The following TP63 variants were observed in gnomAD, a reference collection of about 807,000 sequenced individuals.
TP63 encodes tumor protein p63, also known as tumor protein 63.
TP63 carries 17 observed loss-of-function variants against 82.8 expected under a neutral mutation model. That is an observed-to-expected ratio of 0.21 (90% CI 0.14 to 0.31). The LOEUF (loss-of-function observed/expected upper bound fraction) is 0.31, where lower values mean the gene tolerates loss of function less well. Ranked by LOEUF, TP63 falls within the 10% of genes least tolerant of loss-of-function variation. TP63 has a pLI of 1.00. For missense variants in TP63, 648 were observed against 895.3 expected (o/e 0.72, Z 3.52); for synonymous variants, 330 against 321.7 (o/e 1.03, Z -0.28).
At chr3:189,613,694 A>G in the TP63 span, among the ~76,000 whole-genome samples, 1 of 152,124 alleles carries the variant, frequency 6.6e-6, no homozygotes, top group Admixed American at 6.5e-5. Context: ...TGGGAGGGAG[A>G]GTGTACCCTG....
intron 3 of TP63, among the ~76,000 whole-genome samples, chr3:189,784,675 G>A (rs1724467409): frequency 6.6e-6 from 1 of 151,948 alleles, no homozygotes; most frequent in African/African-American, 2.4e-5. Flanking sequence ...TAAGATTTAC[G>A]ACAGAACTCG....
chr3:189,607,193 C>G, the TP63 span, among the ~76,000 whole-genome samples: 52 of 152,198 alleles, frequency 3.4e-4, no homozygotes, highest in African/African-American at 1.2e-3. Flanking sequence ...ACTGAGAAGG[C>G]GTGAAGACTT....
chr3:189,696,791 A>T (rs1454614744), intron 1 of TP63, among the ~76,000 whole-genome samples: 7 of 152,144 alleles, frequency 4.6e-5, no homozygotes. Context: ...TCCTATGACA[A>T]ATTATGTTGA....
chr3:189,676,508 T>C (rs1715408738), intron 1 of TP63, among the ~76,000 whole-genome samples: 1 of 152,090 alleles, frequency 6.6e-6, no homozygotes, highest in Non-Finnish European at 1.5e-5. Context: ...GGCTGAATAA[T>C]ATTTCAATAT....
intron 8 of TP63, 49 bp from the exon 9 acceptor site, chr3:189,869,275 G>C (rs1448392738): frequency 1.4e-6 from 2 of 1,407,208 alleles, no homozygotes; most frequent in South Asian, 2.3e-5. Context: ...ATATGCATTA[G>C]TGCTTTAGAA....
chr3:189,764,716 C>G (rs1234646763), intron 3 of TP63, among the ~76,000 whole-genome samples: 1 of 152,134 alleles, frequency 6.6e-6, no homozygotes, highest in Non-Finnish European at 1.5e-5. Flanking sequence ...TATCATCCTC[C>G]CAAGAAGCTG....
chr3:189,880,312 A>G (rs1200807262), intron 10 of TP63: 31 of 1,336,320 alleles, frequency 2.3e-5, no homozygotes, highest in African/African-American at 8.9e-5. Context: ...CAGAGACCCA[A>G]CTGCTCAAAG....
intron 1 of TP63, among the ~76,000 whole-genome samples, chr3:189,725,617 G>A (rs1250770607): frequency 6.6e-6 from 1 of 152,228 alleles, no homozygotes. Flanking sequence ...GGAACCACAC[G>A]AGGGAATTTA....
At chr3:189,675,853 A>G (rs1577219627) in intron 1 of TP63, among the ~76,000 whole-genome samples, 1 of 152,248 alleles carries the variant, frequency 6.6e-6, no homozygotes, top group East Asian at 1.9e-4. Context: ...ATTCTTATGG[A>G]AAATGTTCTT....
At chr3:189,761,122 T>C (rs1722536067) in intron 3 of TP63, among the ~76,000 whole-genome samples, 1 of 152,222 alleles carries the variant, frequency 6.6e-6, no homozygotes. Context: ...CATAGGTCTC[T>C]GACATTCCCT....
Position 189,815,079 on chromosome 3 carries a change from C to T in TP63, c.579+6553C>T, listed in dbSNP as rs114210743. 5.6e-3 allele frequency among the ~76,000 whole-genome samples: 849 copies of T among 152,116 alleles called. 4 individuals carry two copies. The highest frequency in any genetic ancestry group is 0.02 in the African/African-American group (823 of 41,514). The stretch of plus-strand genomic sequence containing the variant: ...TTCTTCTCCTCTTCCCGCATTTCTT[C>T]TCCCCCTTCTTTCTACTCCCTCCTT... On this transcript the variant is annotated intron_variant, in intron 4 of 13. Coordinates refer to ENST00000264731, the MANE Select transcript of TP63 (RefSeq NM_003722.5).
the TP63 span, among the ~76,000 whole-genome samples, chr3:189,606,273 A>G: frequency 6.6e-6 from 1 of 152,318 alleles, no homozygotes; most frequent in Non-Finnish European, 1.5e-5. Flanking sequence ...CCTTCCCAAG[A>G]GAAATTCACT....
rs548819879 is a variant in TP63 at position 189,863,635 on chromosome 3, G to A, written c.580-597G>A. 2.6e-5 allele frequency among the ~76,000 whole-genome samples: 4 copies of A among 152,252 alleles called. No homozygotes were observed. The South Asian group carries it at 8.3e-4, about 32-fold the overall frequency. On this transcript the variant is annotated intron_variant, in intron 4 of 13. Coordinates refer to ENST00000264731, the MANE Select transcript of TP63 (RefSeq NM_003722.5). ...CCCTTTCAGCTCTTGCATTCTCCTA[G>A]TCTTTGACATCAGAAGGAAAGTGCA...
intron 3 of TP63, among the ~76,000 whole-genome samples, chr3:189,752,264 C>T (rs1721877068): frequency 1.3e-5 from 2 of 152,140 alleles, no homozygotes; most frequent in African/African-American, 2.4e-5. Flanking sequence ...GCCTCAACCT[C>T]CTAGGCTCAC....
At chr3:189,631,294 T>C (rs1729442275), upstream of TP63, 5 of 1,357,786 alleles carry the variant, frequency 3.7e-6, no homozygotes, top group East Asian at 8.9e-5. Flanking sequence ...CGAGTGTTTA[T>C]GAAGTTTTAG....
At chr3:189,845,162 CT>C (rs540478132) in intron 4 of TP63, among the ~76,000 whole-genome samples, 68 of 152,210 alleles carry the variant, frequency 4.5e-4, no homozygotes, top group South Asian at 1.0e-3. Context: ...TAGAGCTTGA[CT>C]TTTTTTTCTT....
At chr3:189,828,416 T>A (rs1413922496) in intron 4 of TP63, among the ~76,000 whole-genome samples, 2 of 152,204 alleles carry the variant, frequency 1.3e-5, no homozygotes, top group African/African-American at 4.8e-5. Context: ...TTCTAGACAT[T>A]GGTTTTAGAG....
At chr3:189,642,912 C>A (rs535057149) in intron 1 of TP63, among the ~76,000 whole-genome samples, 41 of 152,196 alleles carry the variant, frequency 2.7e-4, no homozygotes, top group African/African-American at 9.6e-4. Context: ...GAAAAATGGT[C>A]TGAGTCTAAA....
intron 3 of TP63, among the ~76,000 whole-genome samples, chr3:189,757,104 G>A (rs1722243189): frequency 6.6e-6 from 1 of 152,158 alleles, no homozygotes; most frequent in South Asian, 2.1e-4. Flanking sequence ...ATTCTACAAT[G>A]TTATATTTAG....
Sources: allele counts gnomAD v4.1 joint callset (sites outside exome capture counted in the v4.1 genomes callset), GRCh38; gene constraint gnomAD v4.1.1; transcripts MANE v1.5; gene names NCBI Gene and HGNC (gene_info 2026-07-23, HGNC 2026-07-21).